ST6GALNAC2: variants seen among roughly 807,000 people sequenced by gnomAD.
ST6GALNAC2 encodes the protein ST6 N-acetylgalactosaminide alpha-2,6-sialyltransferase 2.
In ST6GALNAC2, 42 loss-of-function variants were observed where a neutral mutation model predicts 38.7. The ratio of observed to expected loss-of-function variants is 1.09; its 90% CI spans 0.85 to 1.40. The LOEUF (loss-of-function observed/expected upper bound fraction) is 1.40, where lower values mean the gene tolerates loss of function less well. ST6GALNAC2 is among the 40% of genes most tolerant of loss of function. The pLI is 0.00. For synonymous variants in ST6GALNAC2, 233 were observed against 209.0 expected (o/e 1.11, Z -0.99); for missense variants, 506 against 481.7 (o/e 1.05, Z -0.47).
Position 76,566,947 on chromosome 17 carries a change from C to T in ST6GALNAC2, c.957+506G>A, listed in dbSNP as rs567302558. On this transcript the variant is annotated intron_variant, in intron 8 of 8. Coordinates refer to ENST00000225276, the MANE Select transcript of ST6GALNAC2 (RefSeq NM_006456.3). The stretch of plus-strand genomic sequence containing the variant: ...TCTCCTTGAAAGCTGCTGCTTGGCC[C>T]CTGCCTCCATGAGCTTCACGTGGGT... Among the ~76,000 whole-genome samples, 8 of 152,310 alleles carry T rather than the reference C, an allele frequency of 5.3e-5. No homozygotes were observed. In the South Asian group the frequency reaches 1.7e-3, roughly 32 times the overall value.
intron 1 of ST6GALNAC2, among the ~76,000 whole-genome samples, chr17:76,580,696 G>A (rs1384992059): frequency 1.4e-5 from 2 of 148,094 alleles, no homozygotes; most frequent in Admixed American, 7.0e-5. Flanking sequence ...CTCCAGCCTG[G>A]GTGACAGAGT....
intron 7 of ST6GALNAC2, 188 bp downstream of exon 7, chr17:76,568,525 T>A: frequency 1.6e-6 from 1 of 616,004 alleles, no homozygotes; most frequent in South Asian, 2.0e-5. Flanking sequence ...TATATCACCC[T>A]CCCTCTATCA....
chr17:76,581,946 C>A (rs2075480824), intron 1 of ST6GALNAC2, among the ~76,000 whole-genome samples: 1 of 152,022 alleles, frequency 6.6e-6, no homozygotes, highest in Non-Finnish European at 1.5e-5. Flanking sequence ...TGGCTCACTG[C>A]AACCTCCACC....
intron 5 of ST6GALNAC2, among the ~76,000 whole-genome samples, chr17:76,572,139 A>C (rs2075359280): frequency 6.6e-6 from 1 of 152,064 alleles, no homozygotes; most frequent in Admixed American, 6.6e-5. Flanking sequence ...AAATGGGTAC[A>C]CGGGTCCCAC....
intron 1 of ST6GALNAC2, 133 bp downstream of exon 1, chr17:76,585,551 G>T: frequency 9.4e-7 from 1 of 1,063,708 alleles, no homozygotes; most frequent in South Asian, 1.9e-5. Flanking sequence ...AGTCCTCGCT[G>T]AGAGCTGCCC....
Position 76,573,155 on chromosome 17 carries a change from A to G in ST6GALNAC2, c.530+40T>C, listed in dbSNP as rs1487437235. On this transcript the variant is annotated intron_variant, in intron 4 of 8. Transcript: ENST00000225276. The surrounding 1 kb of genome is among the most constrained non-coding windows in gnomAD (Gnocchi z 5.1). ...GGGAGACACCCCCACCCTCCAGGCA[A>G]CTCTCCCTCCCGCCCCTCCCCAGCT... 6.5e-7 allele frequency: 1 copy of G among 1,541,280 alleles called. No homozygotes were observed. Among genetic ancestry groups the G allele is most frequent in the Admixed American group, 1.8e-5 (1 of 55,990 alleles).
rs751935503 is a variant in ST6GALNAC2 at position 76,567,541 on chromosome 17, G to T, written c.869C>A (p.Ser290Ter). The change falls in exon 8 of 9, where the codon TCA becomes TAA. Residue 290 changes from serine to a stop codon, truncating the protein, a stop_gained. Transcript: ENST00000225276. LOFTEE classifies it high-confidence loss of function. ...ISYLTERFLK[S>*]KLINTHFGDL... is the part of the protein sequence containing the mutation. ...TCCAAAATGTGTGTTAATCAACTTT[G>T]ATTTCAAGAACCTGGAAGCAAAAAG... 2 of 1,613,174 alleles carry T rather than the reference G, an allele frequency of 1.2e-6. No individual in the cohort carries two copies. Among genetic ancestry groups the T allele is most frequent in the South Asian group, 1.1e-5 (1 of 91,048 alleles).
At chr17:76,576,478 T>A (rs927523181) in intron 2 of ST6GALNAC2, among the ~76,000 whole-genome samples, 5 of 152,022 alleles carry the variant, frequency 3.3e-5, no homozygotes, top group African/African-American at 7.3e-5. Context: ...TATTGTGAAA[T>A]GGTGGAAAGA....
In ST6GALNAC2 at chr17:76,568,582, G is replaced by A. The variant is rs180728486; in HGVS notation, c.857+131C>T. The A allele has an allele frequency of 6.7e-5, 55 of 818,844 alleles. 1 individual carries two copies. In the Admixed American group the frequency reaches 1.0e-3, roughly 15 times the overall value. The allele number at this position is 818,844 out of a possible 1,614,324, so 50.7% of individuals were successfully genotyped here. On this transcript the variant is annotated intron_variant, in intron 7 of 8. Coordinates refer to ENST00000225276, the MANE Select transcript of ST6GALNAC2 (RefSeq NM_006456.3). ...ATGAAGTGACAGTGCTTTGCACACA[G>A]CACTCGGGACAGTGGAGCTCTGGTT... is the stretch of plus-strand genomic sequence containing the variant.
At position 76,573,183 on chromosome 17, in the gene ST6GALNAC2, T is replaced by G. The variant is rs1290337658; in HGVS notation, c.530+12A>C. 4.4e-6 allele frequency: 5 copies of G among 1,133,770 alleles called. No homozygotes were observed. The highest frequency in any genetic ancestry group is 3.8e-6 in the Non-Finnish European group (3 of 788,770). 70.2% of individuals were successfully genotyped at this position (1,133,770 alleles called of 1,614,324 possible). On this transcript the variant is annotated intron_variant, in intron 4 of 8. Coordinates refer to ENST00000225276, the MANE Select transcript of ST6GALNAC2 (RefSeq NM_006456.3). The surrounding 1 kb of genome is among the most constrained non-coding windows in gnomAD (Gnocchi z 5.1). ...CTCCCTCCCGCCCCTCCCCAGCTCC[T>G]ACCCCTCATACCTGAATACATAGTC...
chr17:76,573,159 T>TGCCCA lies in ST6GALNAC2; in HGVS notation c.530+35_530+36insTGGGC. ...GACACCCCCACCCTCCAGGCAACTC[T>TGCCCA]CCCTCCCGCCCCTCCCCAGCTCCTA... On this transcript the variant is annotated intron_variant, in intron 4 of 8. Coordinates refer to ENST00000225276, the MANE Select transcript of ST6GALNAC2 (RefSeq NM_006456.3). This position sits in a 1 kb window ranked among gnomAD's most constrained non-coding sequence, Gnocchi z 5.1. 9 of 1,530,286 alleles carry TGCCCA rather than the reference T, an allele frequency of 5.9e-6. No homozygotes were observed. The highest frequency in any genetic ancestry group is 8.0e-6 in the Non-Finnish European group (9 of 1,120,798). 94.8% of individuals were successfully genotyped at this position (1,530,286 alleles called of 1,614,324 possible). A position where few individuals can be genotyped will look rare whatever the true frequency, so the allele number is the denominator to read the frequency against.
intron 2 of ST6GALNAC2, among the ~76,000 whole-genome samples, chr17:76,575,325 TC>T (rs891347843): frequency 3.1e-4 from 47 of 152,032 alleles, no homozygotes; most frequent in African/African-American, 1.1e-3. Context: ...AGTGGAAGTG[TC>T]CCCCCAAAAT....
intron 6 of ST6GALNAC2, chr17:76,569,535 G>C (rs566586402): frequency 1.0e-5 from 4 of 394,654 alleles, no homozygotes; most frequent in Non-Finnish European, 8.9e-6. Flanking sequence ...AGCCCCGAGT[G>C]GGGGAGGGGG....
intron 7 of ST6GALNAC2, 94 bp from the exon 8 acceptor site, chr17:76,567,646 A>C (rs1273513151): frequency 1.2e-6 from 1 of 800,254 alleles, no homozygotes; most frequent in Non-Finnish European, 2.1e-6. Context: ...AACTTCAAAA[A>C]CTGAGGGCCT....
At chr17:76,566,522 C>T (rs544944216) in intron 8 of ST6GALNAC2, among the ~76,000 whole-genome samples, 1 of 152,114 alleles carries the variant, frequency 6.6e-6, no homozygotes, top group African/African-American at 2.4e-5. Context: ...TTACTACTCT[C>T]TCCATCCTAA....
chr17:76,569,625 A>G (rs1191991551), intron 6 of ST6GALNAC2: 3 of 396,026 alleles, frequency 7.6e-6, no homozygotes, highest in Non-Finnish European at 1.3e-5. Context: ...GGGATGGATT[A>G]GGGGTGTGGG....
intron 1 of ST6GALNAC2, among the ~76,000 whole-genome samples, chr17:76,581,425 T>G (rs1280003079): frequency 6.6e-6 from 1 of 152,064 alleles, no homozygotes; most frequent in Admixed American, 6.5e-5. Flanking sequence ...GGGGAGGGCA[T>G]TGGTGAGTCC....
Position 76,565,829 on chromosome 17 carries a change from TTCC to T in ST6GALNAC2, c.*272_*274del, listed in dbSNP as rs965317658. 3 of 356,768 alleles carry T rather than the reference TTCC, an allele frequency of 8.4e-6. No homozygotes were observed. Among genetic ancestry groups the T allele is most frequent in the Non-Finnish European group, 1.5e-5 (3 of 195,552 alleles). The allele number at this position is 356,768 out of a possible 1,614,324, so 22.1% of individuals were successfully genotyped here. On this transcript the variant is annotated 3_prime_UTR_variant, in exon 9 of 9. Coordinates refer to ENST00000225276, the MANE Select transcript of ST6GALNAC2 (RefSeq NM_006456.3). Reference sequence around the variant, plus strand: ...ATCTTGCTGAACACTCCACCGACATTTCCTAAAGTTGCTCAGTGCCAATCCAGC... The same window carrying T: ...ATCTTGCTGAACACTCCACCGACATTTAAAGTTGCTCAGTGCCAATCCAGC...
At chr17:76,584,885 C>T (rs757065427) in intron 1 of ST6GALNAC2, among the ~76,000 whole-genome samples, 6 of 152,238 alleles carry the variant, frequency 3.9e-5, no homozygotes, top group Non-Finnish European at 7.3e-5. Flanking sequence ...CCTCCCAAAC[C>T]CAGACTTCGC....
Sources: gnomAD v4.1 joint callset for allele counts (sites outside exome capture counted in the v4.1 genomes callset) on GRCh38, gnomAD v4.1.1 for gene constraint, Gnocchi (gnomAD v3.1) non-coding constraint, MANE v1.5 for transcripts, NCBI Gene and HGNC (gene_info 2026-07-23, HGNC 2026-07-21) for gene names.